The following MCC variants were observed in gnomAD, a reference collection of about 807,000 sequenced individuals.
MCC encodes colorectal mutant cancer protein.
Under a neutral mutation model 116.2 loss-of-function variants are expected in MCC, and 90 were observed. The ratio of observed to expected loss-of-function variants is 0.77; its 90% CI spans 0.65 to 0.92. The LOEUF (loss-of-function observed/expected upper bound fraction) is 0.92. MCC is among the 40% of genes least tolerant of loss of function. The pLI, the probability that MCC is intolerant of heterozygous loss-of-function variation, is 0.00. For synonymous variants in MCC, 578 were observed against 510.5 expected (o/e 1.13, Z -1.78); for missense variants, 1,516 against 1,312.2 (o/e 1.16, Z -2.40).
intron 6 of MCC, among the ~76,000 whole-genome samples, chr5:113,106,781 C>T (rs558567275): frequency 4.4e-4 from 67 of 152,258 alleles, no homozygotes; most frequent in African/African-American, 1.6e-3. Flanking sequence ...AAACTTTTGG[C>T]CATAAGCAAT....
chr5:113,351,723 A>G (rs1381015705), intron 2 of MCC, among the ~76,000 whole-genome samples: 1 of 152,196 alleles, frequency 6.6e-6, no homozygotes, highest in African/African-American at 2.4e-5. Context: ...CACAAAGGAT[A>G]AATGCTTGAG....
At chr5:113,242,573 T>C (rs59222257) in intron 3 of MCC, among the ~76,000 whole-genome samples, 24,251 of 152,024 alleles carry the variant, frequency 0.16, 2,279 homozygotes, top group Admixed American at 0.29. Flanking sequence ...CTGGGTTTCC[T>C]ATACATTCAG....
At chr5:113,317,766 G>A (rs185269865) in intron 3 of MCC, among the ~76,000 whole-genome samples, 556 of 152,348 alleles carry the variant, frequency 3.6e-3, no homozygotes, top group Non-Finnish European at 5.8e-3. Flanking sequence ...AACAATGCCA[G>A]TGTGGATGGG....
At chr5:113,075,370 C>A (rs1754364316) in intron 11 of MCC, among the ~76,000 whole-genome samples, 1 of 152,212 alleles carries the variant, frequency 6.6e-6, no homozygotes, top group South Asian at 2.1e-4. Flanking sequence ...GGTGCCGCCC[C>A]CTGCTCTGAG....
chr5:113,026,339 C>A lies in MCC; in HGVS notation c.*963G>T, dbSNP rs1056839304. The stretch of plus-strand genomic sequence containing the variant: ...GTTCAGTATCTCCTCAGTGTCTTGT[C>A]CTTAGGTAGAGACAGGTCCAGAGCT... On this transcript the variant is annotated 3_prime_UTR_variant, in exon 19 of 19. Transcript: ENST00000408903. The A allele has an allele frequency of 6.6e-6, 1 of 152,196 alleles. No individual in the cohort carries two copies. The highest frequency in any genetic ancestry group is 1.5e-5 in the Non-Finnish European group (1 of 68,052). The allele number at this position is 152,196 out of a possible 1,614,324, so 9.4% of individuals were successfully genotyped here.
chr5:113,243,474 T>G (rs1764455578), intron 3 of MCC, among the ~76,000 whole-genome samples: 1 of 152,166 alleles, frequency 6.6e-6, no homozygotes, highest in Non-Finnish European at 1.5e-5. Flanking sequence ...AACTCTGTAG[T>G]ATGAATACCA....
intron 3 of MCC, among the ~76,000 whole-genome samples, chr5:113,315,162 G>A (rs983180156): frequency 6.6e-6 from 1 of 152,120 alleles, no homozygotes; most frequent in Non-Finnish European, 1.5e-5. Flanking sequence ...TGCTTTTAAG[G>A]TAAAGATGAG....
chr5:113,416,920 G>A (rs1235547950), intron 1 of MCC, among the ~76,000 whole-genome samples: 6 of 149,510 alleles, frequency 4.0e-5, no homozygotes, highest in Non-Finnish European at 7.4e-5. Context: ...TTTTATTTAC[G>A]TATTGGATTT....
intron 3 of MCC, among the ~76,000 whole-genome samples, chr5:113,176,699 C>G (rs1761351910): frequency 6.6e-6 from 1 of 152,302 alleles, no homozygotes; most frequent in South Asian, 2.1e-4. Flanking sequence ...ATTAAATGAA[C>G]AAATATGGGC....
intron 5 of MCC, among the ~76,000 whole-genome samples, chr5:113,141,790 A>G (rs1759195674): frequency 6.6e-6 from 1 of 152,216 alleles, no homozygotes. Context: ...ATTACATTCA[A>G]TTTAAACATC....
rs536053210 is a variant in MCC at position 113,062,630 on chromosome 5, A to T, written c.2213+1354T>A. ...ATACACATCTGGAAGAGTCATTAAG[A>T]AGAGCATCTGCTTTCTGTGTTTACA... is the stretch of plus-strand genomic sequence containing the variant. On this transcript the variant is annotated intron_variant, in intron 14 of 18. Transcript: ENST00000408903. 4.6e-5 allele frequency among the ~76,000 whole-genome samples: 7 copies of T among 152,390 alleles called. No homozygotes were observed. In the South Asian group the frequency reaches 1.0e-3, roughly 23 times the overall value.
At position 113,024,545 on chromosome 5, in the gene MCC, T is replaced by C. The variant is rs1454217317; in HGVS notation, c.*2757A>G. 1 of 152,216 alleles carries C rather than the reference T, an allele frequency of 6.6e-6. No homozygotes were observed. Among genetic ancestry groups the C allele is most frequent in the Non-Finnish European group, 1.5e-5 (1 of 68,032 alleles). The allele number at this position is 152,216 out of a possible 1,614,324, so 9.4% of individuals were successfully genotyped here. On this transcript the variant is annotated 3_prime_UTR_variant, in exon 19 of 19. Coordinates refer to ENST00000408903, the MANE Select transcript of MCC (RefSeq NM_001085377.2). ...AAGACTGAATTCTGAACAGAGATGG[T>C]TACTGACTAAAAGGGGGTAACCACT...
chr5:113,444,047 G>A (rs1771133690), intron 1 of MCC, among the ~76,000 whole-genome samples: 1 of 150,996 alleles, frequency 6.6e-6, no homozygotes, highest in Admixed American at 6.6e-5. Flanking sequence ...GTTTCGCCAA[G>A]TTGGCCAGGC....
chr5:113,469,006 C>T (rs1029524404), intron 1 of MCC, among the ~76,000 whole-genome samples: 1 of 152,090 alleles, frequency 6.6e-6, no homozygotes, highest in Non-Finnish European at 1.5e-5. Flanking sequence ...GTAGTTTGTA[C>T]TTCTGTGGGA....
At chr5:113,228,670 T>C (rs1763834607) in intron 3 of MCC, among the ~76,000 whole-genome samples, 1 of 152,194 alleles carries the variant, frequency 6.6e-6, no homozygotes. Flanking sequence ...AAAGGGGTTT[T>C]GAGCAGAGGA....
intron 6 of MCC, among the ~76,000 whole-genome samples, chr5:113,108,942 T>G (rs1456274740): frequency 6.6e-6 from 1 of 152,152 alleles, no homozygotes; most frequent in Non-Finnish European, 1.5e-5. Context: ...CCATTGCTAT[T>G]TTTCCCTGTT....
At chr5:113,039,396 C>T (rs746125233) in intron 17 of MCC, among the ~76,000 whole-genome samples, 4 of 152,076 alleles carry the variant, frequency 2.6e-5, no homozygotes, top group Non-Finnish European at 5.9e-5. Flanking sequence ...CTGACATATG[C>T]CATTGCTTCA....
chr5:113,094,280 G>T (rs555928124), intron 8 of MCC, among the ~76,000 whole-genome samples: 17 of 152,128 alleles, frequency 1.1e-4, no homozygotes, highest in African/African-American at 4.1e-4. Context: ...CAAAATAGAA[G>T]GAGAAAACAT....
intron 15 of MCC, 56 bp downstream of exon 15, chr5:113,053,669 T>C (rs1291936433): frequency 4.0e-6 from 5 of 1,265,692 alleles, no homozygotes; most frequent in Admixed American, 1.8e-5. Context: ...CTTTCAGAGG[T>C]TGTTTAGATT....
Sources: allele counts gnomAD v4.1 joint callset (sites outside exome capture counted in the v4.1 genomes callset), GRCh38; gene constraint gnomAD v4.1.1; transcripts MANE v1.5; gene names NCBI Gene and HGNC (gene_info 2026-07-23, HGNC 2026-07-21).